AUTS2: variants seen among roughly 807,000 people sequenced by gnomAD.
AUTS2 encodes activator of transcription and developmental regulator AUTS2.
AUTS2 carries 17 observed loss-of-function variants against 112.4 expected under a neutral mutation model. The observed-to-expected ratio is 0.15, with a 90% CI of 0.10 to 0.23. The LOEUF (loss-of-function observed/expected upper bound fraction) is 0.23. Ranked by LOEUF, AUTS2 falls within the 10% of genes least tolerant of loss-of-function variation. The pLI, the probability that AUTS2 is intolerant of heterozygous loss-of-function variation, is 1.00. For missense variants in AUTS2, 1,510 were observed against 1,701.6 expected, an observed-to-expected ratio of 0.89 and a Z score of 1.98; for synonymous variants, 751 against 702.7, an observed-to-expected ratio of 1.07 and a Z score of -1.09.
At chr7:69,914,658 T>A (rs1334526654) in intron 2 of AUTS2, among the ~76,000 whole-genome samples, 1 of 151,636 alleles carries the variant, frequency 6.6e-6, no homozygotes, top group East Asian at 2.0e-4. Flanking sequence ...GCCTTCCATC[T>A]TTTTAGAGGT....
At chr7:69,998,248 T>C (rs908625241) in intron 2 of AUTS2, among the ~76,000 whole-genome samples, 2 of 152,184 alleles carry the variant, frequency 1.3e-5, no homozygotes, top group Non-Finnish European at 2.9e-5. Flanking sequence ...GGTCTTGTTA[T>C]GTTGCCTAGG....
Position 69,800,214 on chromosome 7 carries a change from G to A in AUTS2, c.310-99072G>A, listed in dbSNP as rs561498909. ...TGCCTTGTGGGTATCAGGGTTATCT[G>A]TTCCAGGATCAGCTTTAGGAAAGCC... On this transcript the variant is annotated intron_variant, in intron 1 of 18. Coordinates refer to ENST00000342771, the MANE Select transcript of AUTS2 (RefSeq NM_015570.4). Among the ~76,000 whole-genome samples, 5 of 152,318 alleles carry A rather than the reference G, an allele frequency of 3.3e-5. No individual in the cohort carries two copies. In the South Asian group the frequency reaches 1.0e-3, roughly 32 times the overall value.
At chr7:70,777,236 C>G (rs765167607) in intron 14 of AUTS2, 62 bp downstream of exon 14, 4 of 1,449,066 alleles carry the variant, frequency 2.8e-6, no homozygotes, top group Non-Finnish European at 3.9e-6. Context: ...GTGACGTGCT[C>G]GGGAGAACCT....
intron 5 of AUTS2, among the ~76,000 whole-genome samples, chr7:70,633,612 A>G (rs1297664358): frequency 1.1e-4 from 10 of 87,550 alleles, no homozygotes; most frequent in Non-Finnish European, 2.2e-4. Flanking sequence ...CTCCGTCTCA[A>G]AAAAAAAAAA....
chr7:69,945,605 G>T (rs370942145), intron 2 of AUTS2, among the ~76,000 whole-genome samples: 4 of 151,798 alleles, frequency 2.6e-5, no homozygotes, highest in East Asian at 1.9e-4. Context: ...ACCATTTTTT[G>T]TTGTTGTTGT....
intron 1 of AUTS2, among the ~76,000 whole-genome samples, chr7:69,632,271 TG>T (rs1794282149): frequency 6.6e-6 from 1 of 152,208 alleles, no homozygotes. Context: ...TTTGCCTTGC[TG>T]GACAGTGATT....
At chr7:70,145,032 G>A (rs1324352175) in intron 4 of AUTS2, among the ~76,000 whole-genome samples, 1 of 152,074 alleles carries the variant, frequency 6.6e-6, no homozygotes, top group African/African-American at 2.4e-5. Context: ...CCACACTGGT[G>A]AAGATCATCA....
At chr7:70,106,856 A>G (rs1744549206) in intron 2 of AUTS2, among the ~76,000 whole-genome samples, 1 of 152,158 alleles carries the variant, frequency 6.6e-6, no homozygotes, top group South Asian at 2.1e-4. Flanking sequence ...ATTGCAGGAT[A>G]TGTCAGAAAA....
At chr7:70,350,134 G>T (rs1791681513) in intron 4 of AUTS2, among the ~76,000 whole-genome samples, 1 of 152,206 alleles carries the variant, frequency 6.6e-6, no homozygotes, top group Non-Finnish European at 1.5e-5. Flanking sequence ...TGAGCAGGCT[G>T]TGGCCAAATG....
chr7:70,598,460 A>C (rs1051551860), intron 5 of AUTS2, among the ~76,000 whole-genome samples: 3 of 152,232 alleles, frequency 2.0e-5, no homozygotes, highest in Non-Finnish European at 2.9e-5. Context: ...ACGTTCAAAA[A>C]TGACACAATT....
chr7:70,777,445 C>T (rs1790778204), intron 14 of AUTS2, among the ~76,000 whole-genome samples: 1 of 152,044 alleles, frequency 6.6e-6, no homozygotes, highest in Non-Finnish European at 1.5e-5. Flanking sequence ...CCTCCCACCT[C>T]AGTCTCCCAA....
chr7:70,043,555 T>C (rs1376754691), intron 2 of AUTS2, among the ~76,000 whole-genome samples: 11 of 12,840 alleles, frequency 8.6e-4, no homozygotes, highest in African/African-American at 3.3e-3. Flanking sequence ...CTCCCTTCCT[T>C]CCTTCCTTCC....
rs778813462 is a variant in AUTS2, at chr7:69,982,825, G to T, written c.522+83327G>T. 1.6e-4 allele frequency among the ~76,000 whole-genome samples: 24 copies of T among 152,178 alleles called. 1 individual carries two copies. Among genetic ancestry groups the T allele is most frequent in the Admixed American group, 1.5e-3 (23 of 15,282 alleles). ...GGGCACTGTACTCAGAATCTTTCTT[G>T]GTATATTGTTTAAGAGCTTCATTGC... On this transcript the variant is annotated intron_variant, in intron 2 of 18. Transcript: ENST00000342771.
At chr7:70,606,237 A>C (rs1563071797) in intron 5 of AUTS2, among the ~76,000 whole-genome samples, 1 of 152,250 alleles carries the variant, frequency 6.6e-6, no homozygotes, top group Non-Finnish European at 1.5e-5. Flanking sequence ...TAGATCTGAT[A>C]GTTATGAGGA....
intron 4 of AUTS2, among the ~76,000 whole-genome samples, chr7:70,277,035 A>G (rs1562843034): frequency 6.6e-6 from 1 of 152,178 alleles, no homozygotes; most frequent in Non-Finnish European, 1.5e-5. Flanking sequence ...CTCAGTGTGA[A>G]ATATACATGG....
At chr7:69,600,408 CGTGTGTGTGTGTGTGTGT>C (rs113179115) in intron 1 of AUTS2, among the ~76,000 whole-genome samples, 2 of 143,308 alleles carry the variant, frequency 1.4e-5, no homozygotes, top group South Asian at 2.3e-4. Flanking sequence ...GTCATATGTT[CGTGTGTGTGTGTGTGTGT>C]GTGTGTGTGT....
chr7:70,649,014 A>G (rs565266695), intron 5 of AUTS2, among the ~76,000 whole-genome samples: 138 of 152,340 alleles, frequency 9.1e-4, no homozygotes, highest in African/African-American at 3.2e-3. Context: ...CTGTTTTGAA[A>G]TTAGGGAATG....
In AUTS2 at chr7:69,766,041, C is replaced by G. The variant is rs142739169; in HGVS notation, c.310-133245C>G. Among the ~76,000 whole-genome samples, 280 of 152,294 alleles carry G rather than the reference C, an allele frequency of 1.8e-3. 3 individuals are homozygous for G. The highest frequency in any genetic ancestry group is 6.6e-3 in the African/African-American group (274 of 41,566). ...TAACTATATTTACATCATTGTGCAA[C>G]CAATCTCCAGAACTCTCCGTCTTGC... On this transcript the variant is annotated intron_variant, in intron 1 of 18. Coordinates refer to ENST00000342771, the MANE Select transcript of AUTS2 (RefSeq NM_015570.4).
At chr7:70,767,269 A>C (rs928409715) in intron 9 of AUTS2, among the ~76,000 whole-genome samples, 2 of 152,150 alleles carry the variant, frequency 1.3e-5, no homozygotes, top group Non-Finnish European at 2.9e-5. Context: ...TGTTTAACTT[A>C]CTTTTTAAAA....
Sources: allele counts gnomAD v4.1 joint callset (sites outside exome capture counted in the v4.1 genomes callset), GRCh38; gene constraint gnomAD v4.1.1; transcripts MANE v1.5; gene names NCBI Gene and HGNC (gene_info 2026-07-23, HGNC 2026-07-21).